The following DPYSL2 variants were observed in gnomAD, a reference collection of about 807,000 sequenced individuals.
The protein encoded by DPYSL2 is dihydropyrimidinase like 2.
A neutral mutation model predicts 69.9 loss-of-function variants in DPYSL2; 13 were observed. The observed-to-expected ratio is 0.19, with a 90% confidence interval of 0.12 to 0.30. The LOEUF (loss-of-function observed/expected upper bound fraction) is 0.30, where lower values mean the gene tolerates loss of function less well. DPYSL2 is among the 10% of genes least tolerant of loss of function. DPYSL2 has a pLI of 1.00. For missense variants in DPYSL2, 587 were observed against 918.9 expected (o/e 0.64, Z 4.67); for synonymous variants, 326 against 359.1 (o/e 0.91, Z 1.04).
In DPYSL2 at chr8:26,640,376, C is replaced by T. The variant is rs762863376; in HGVS notation, c.1127-3063C>T. Reference sequence around the variant, plus strand: ...GAAAATCACAAAGGTCTAACGGGCACCCAGATAGCATCAGCAGTGTATTTA... The same window carrying T: ...GAAAATCACAAAGGTCTAACGGGCATCCAGATAGCATCAGCAGTGTATTTA... On this transcript the variant is annotated intron_variant, in intron 8 of 13. Transcript: ENST00000521913. This position sits in a 1 kb window ranked among gnomAD's most constrained non-coding sequence, Gnocchi z 4.2. 1.3e-5 allele frequency among the ~76,000 whole-genome samples: 2 copies of T among 152,170 alleles called. No individual in the cohort carries two copies. The highest frequency in any genetic ancestry group is 2.9e-5 in the Non-Finnish European group (2 of 68,038).
intron 3 of DPYSL2, among the ~76,000 whole-genome samples, chr8:26,592,898 T>C (rs368119226): frequency 3.3e-5 from 5 of 152,186 alleles, no homozygotes; most frequent in Admixed American, 6.5e-5. Context: ...CCTTTTTTTT[T>C]CCTCTTCCTC....
Position 26,626,505 on chromosome 8 carries a change from A to G in DPYSL2, c.794-112A>G. The G allele has an allele frequency of 3.6e-6, 3 of 828,470 alleles. No homozygotes were observed. Among genetic ancestry groups the G allele is most frequent in the Non-Finnish European group, 5.9e-6 (3 of 507,958 alleles). The allele number at this position is 828,470 out of a possible 1,614,324, so 51.3% of individuals were successfully genotyped here. A position where few individuals can be genotyped will look rare whatever the true frequency, so the allele number is the denominator to read the frequency against. On this transcript the variant is annotated intron_variant, in intron 4 of 13. Transcript: ENST00000521913. This position sits in a 1 kb window ranked among gnomAD's most constrained non-coding sequence, Gnocchi z 4.3. ...GAAACACACACACACACACACACAC[A>G]CACACACACACACACACGTACACAC...
In DPYSL2 at chr8:26,634,912, G is replaced by A. The variant is rs1802871915; in HGVS notation, c.1126+12G>A. 6.2e-7 allele frequency: 1 copy of A among 1,613,850 alleles called. No homozygotes were observed. Among genetic ancestry groups the A allele is most frequent in the Admixed American group, 1.7e-5 (1 of 59,996 alleles). The stretch of plus-strand genomic sequence containing the variant: ...GGCACGGAAGAAGGGTGAGTGCTGT[G>A]GCCGGACTGGCTGATGGCAGGTGGG... On this transcript the variant is annotated intron_variant, in intron 8 of 13. Coordinates refer to ENST00000521913, the MANE Select transcript of DPYSL2 (RefSeq NM_001197293.3).
chr8:26,652,569 A>AT lies in DPYSL2; in HGVS notation c.1776+139dup, dbSNP rs1330724412. The AT allele has an allele frequency of 1.2e-5, 12 of 976,804 alleles. No individual in the cohort carries two copies. Among genetic ancestry groups the AT allele is most frequent in the Non-Finnish European group, 1.8e-5 (12 of 679,640 alleles). The allele number at this position is 976,804 out of a possible 1,614,324, so 60.5% of individuals were successfully genotyped here. A position where few individuals can be genotyped will look rare whatever the true frequency, so the allele number is the denominator to read the frequency against. ...ATTCCAGGGATAAGAGGGAGCCTGA[A>AT]TTTTTTATTCCTGGCATTTAAAATA... On this transcript the variant is annotated intron_variant, in intron 12 of 13. Transcript: ENST00000521913. The surrounding 1 kb of genome is among the most constrained non-coding windows in gnomAD (Gnocchi z 6.3).
intron 1 of DPYSL2, chr8:26,576,945 G>A (rs993482356): frequency 6.2e-5 from 18 of 288,584 alleles, no homozygotes; most frequent in Non-Finnish European, 1.2e-4. Flanking sequence ...TCAGGGAGCC[G>A]AGGTGGGCGT....
At chr8:26,596,571 G>A (rs1255647275) in intron 3 of DPYSL2, among the ~76,000 whole-genome samples, 6 of 152,230 alleles carry the variant, frequency 3.9e-5, no homozygotes, top group Admixed American at 6.5e-5. Context: ...AAAGTGAGGA[G>A]TTTGGAGGGA....
chr8:26,626,655 C>G lies in DPYSL2; in HGVS notation c.832C>G (p.Arg278Gly). The G allele has an allele frequency of 1.2e-6, 2 of 1,614,182 alleles. No homozygotes were observed. The highest frequency in any genetic ancestry group is 1.7e-6 in the Non-Finnish European group (2 of 1,180,042). Residue 278 changes from arginine (R) to glycine (G), a missense_variant, in exon 5 of 14, where the codon CGC becomes GGC. This residue lies in a region of DPYSL2 where 452 missense variants were observed against 754.3 expected (regional missense o/e 0.60). Transcript: ENST00000521913. This position sits in a 1 kb window ranked among gnomAD's most constrained non-coding sequence, Gnocchi z 4.3. Reference sequence around the variant, plus strand: ...CCTCGTGTACATGGCTTTCAAAGATCGCTTCCAGCTAACGGATTGCCAGGT... The same window carrying G: ...CCTCGTGTACATGGCTTTCAAAGATGGCTTCCAGCTAACGGATTGCCAGGT... ...SFLVYMAFKD[R>G]FQLTDCQIYE...
chr8:26,639,002 C>A (rs984499776), intron 8 of DPYSL2, among the ~76,000 whole-genome samples: 2 of 152,212 alleles, frequency 1.3e-5, no homozygotes, highest in African/African-American at 4.8e-5. Flanking sequence ...ACATTCTTTT[C>A]CGTCCTCCTC....
Position 26,653,155 on chromosome 8 carries a change from C to A in DPYSL2, c.1777-77C>A. On this transcript the variant is annotated intron_variant, in intron 12 of 13. Coordinates refer to ENST00000521913, the MANE Select transcript of DPYSL2 (RefSeq NM_001197293.3). The surrounding 1 kb of genome is among the most constrained non-coding windows in gnomAD (Gnocchi z 5.7). ...CCATCCCTAGATCTCACAGGCCCAT[C>A]CTCCCTCCAGGAGGGTTTCTAGAGA... The A allele has an allele frequency of 8.6e-6, 13 of 1,518,800 alleles. No homozygotes were observed. The highest frequency in any genetic ancestry group is 8.9e-6 in the Non-Finnish European group (10 of 1,121,842). The allele number at this position is 1,518,800 out of a possible 1,614,324, so 94.1% of individuals were successfully genotyped here. A position where few individuals can be genotyped will look rare whatever the true frequency, so the allele number is the denominator to read the frequency against.
chr8:26,637,609 A>G lies in DPYSL2; in HGVS notation c.1126+2709A>G, dbSNP rs1802949850. 2 of 152,232 alleles carry G rather than the reference A, an allele frequency of 1.3e-5. 1 individual carries two copies. Among genetic ancestry groups the G allele is most frequent in the Non-Finnish European group, 2.9e-5 (2 of 68,050 alleles). The allele number at this position is 152,232 out of a possible 1,614,324, so 9.4% of individuals were successfully genotyped here. A position where few individuals can be genotyped will look rare whatever the true frequency, so the allele number is the denominator to read the frequency against. On this transcript the variant is annotated intron_variant, in intron 8 of 13. Coordinates refer to ENST00000521913, the MANE Select transcript of DPYSL2 (RefSeq NM_001197293.3). ...TGATTGAAACAGTGGCCTGACACCC[A>G]GCAGAGATATGGGTAATGTACACAC...
Position 26,514,757 on chromosome 8 carries a change from C to T in DPYSL2, c.354+78C>T. 7.8e-7 allele frequency: 1 copy of T among 1,274,106 alleles called. No individual in the cohort carries two copies. Among genetic ancestry groups the T allele is most frequent in the Non-Finnish European group, 1.0e-6 (1 of 982,770 alleles). 78.9% of individuals were successfully genotyped at this position (1,274,106 alleles called of 1,614,324 possible). A position where few individuals can be genotyped will look rare whatever the true frequency, so the allele number is the denominator to read the frequency against. Reference sequence around the variant, plus strand: ...CTCCCTCGCCCCTGAGCCCGGCGCGCCCGCCTTCATGCCCCGCCCTGGACC... The same window carrying T: ...CTCCCTCGCCCCTGAGCCCGGCGCGTCCGCCTTCATGCCCCGCCCTGGACC... On this transcript the variant is annotated intron_variant, in intron 1 of 13. Coordinates refer to ENST00000521913, the MANE Select transcript of DPYSL2 (RefSeq NM_001197293.3). The surrounding 1 kb of genome is among the most constrained non-coding windows in gnomAD (Gnocchi z 8.4).
rs778194237 is a variant in DPYSL2 at position 26,614,409 on chromosome 8, C to G, written c.629-9734C>G. Among the ~76,000 whole-genome samples, 2 of 152,168 alleles carry G rather than the reference C, an allele frequency of 1.3e-5. No homozygotes were observed. The highest frequency in any genetic ancestry group is 2.9e-5 in the Non-Finnish European group (2 of 68,034). ...CTCGATGAGAAGAGAGGGGTGGGGA[C>G]AGGCGGTAGCTGGAGGGTCCTTCAG... On this transcript the variant is annotated intron_variant, in intron 3 of 13. Transcript: ENST00000521913. This position sits in a 1 kb window ranked among gnomAD's most constrained non-coding sequence, Gnocchi z 4.9.
In DPYSL2 at chr8:26,647,213, A is replaced by C. The variant is rs1028563241; in HGVS notation, c.1426-417A>C. Among the ~76,000 whole-genome samples, 1 of 152,188 alleles carries C rather than the reference A, an allele frequency of 6.6e-6. No individual in the cohort carries two copies. The highest frequency in any genetic ancestry group is 2.4e-5 in the African/African-American group (1 of 41,448). On this transcript the variant is annotated intron_variant, in intron 10 of 13. Transcript: ENST00000521913. This position sits in a 1 kb window ranked among gnomAD's most constrained non-coding sequence, Gnocchi z 5.1. ...TTTCCCTCATGGTTACATCTTATATAAATGTAGAACAATATCAAAACCAGG... is the reference window on the plus strand; with the variant it reads ...TTTCCCTCATGGTTACATCTTATATCAATGTAGAACAATATCAAAACCAGG...
chr8:26,595,333 T>A lies in DPYSL2; in HGVS notation c.628+11350T>A, dbSNP rs1801835291. On this transcript the variant is annotated intron_variant, in intron 3 of 13. Transcript: ENST00000521913. ...ATTTTTTTTTTCCTCCTCCAAATAA[T>A]CTCTGGAGAATTTGGAGCCTGATTT... 2.0e-5 allele frequency among the ~76,000 whole-genome samples: 3 copies of A among 152,070 alleles called. No individual in the cohort carries two copies. In the South Asian group the frequency reaches 6.2e-4, roughly 32 times the overall value.
At chr8:26,551,124 A>G (rs957695642) in intron 1 of DPYSL2, among the ~76,000 whole-genome samples, 7 of 152,148 alleles carry the variant, frequency 4.6e-5, no homozygotes, top group Admixed American at 2.6e-4. Context: ...TCAAAAGCCA[A>G]ACCCTTTGAG....
At chr8:26,553,728 G>C (rs187085898) in intron 1 of DPYSL2, among the ~76,000 whole-genome samples, 1 of 151,928 alleles carries the variant, frequency 6.6e-6, no homozygotes, top group Admixed American at 6.6e-5. Flanking sequence ...ATATTCCTTT[G>C]GGTATATACC....
chr8:26,582,299 A>G lies in DPYSL2; in HGVS notation c.443+242A>G, dbSNP rs938759255. 4.6e-5 allele frequency among the ~76,000 whole-genome samples: 7 copies of G among 152,248 alleles called. No individual in the cohort carries two copies. The highest frequency in any genetic ancestry group is 1.0e-4 in the Non-Finnish European group (7 of 68,034). On this transcript the variant is annotated intron_variant, in intron 2 of 13. Transcript: ENST00000521913. This position sits in a 1 kb window ranked among gnomAD's most constrained non-coding sequence, Gnocchi z 4.1. ...AGGTATTATGTAATTTACTATTTTT[A>G]ACTGAGGTGATATGATATCTTTCTG... is the stretch of plus-strand genomic sequence containing the variant.
In DPYSL2 at chr8:26,657,062, G is replaced by A. The variant is rs752638489; in HGVS notation, c.*1356G>A. ...AGCTTTTTATTTTCGGGGAAAAACC[G>A]TATTTTTTTCTTGTCCAATTATTTC... On this transcript the variant is annotated 3_prime_UTR_variant, in exon 14 of 14. Coordinates refer to ENST00000521913, the MANE Select transcript of DPYSL2 (RefSeq NM_001197293.3). 1.2e-4 allele frequency: 18 copies of A among 152,246 alleles called. No individual in the cohort carries two copies. In the East Asian group the frequency reaches 1.5e-3, roughly 13 times the overall value. 9.4% of individuals were successfully genotyped at this position (152,246 alleles called of 1,614,324 possible). A position where few individuals can be genotyped will look rare whatever the true frequency, so the allele number is the denominator to read the frequency against.
Position 26,641,428 on chromosome 8 carries a change from T to G in DPYSL2, c.1127-2011T>G, listed in dbSNP as rs1389278755. ...CAGGAGAGTTTTGCTTAACCAGATC[T>G]GTTTGATCCTTGAACCAAAAGCGGG... is the stretch of plus-strand genomic sequence containing the variant. On this transcript the variant is annotated intron_variant, in intron 8 of 13. Coordinates refer to ENST00000521913, the MANE Select transcript of DPYSL2 (RefSeq NM_001197293.3). This position sits in a 1 kb window ranked among gnomAD's most constrained non-coding sequence, Gnocchi z 4.1. Among the ~76,000 whole-genome samples, 1 of 152,212 alleles carries G rather than the reference T, an allele frequency of 6.6e-6. No individual in the cohort carries two copies. The highest frequency in any genetic ancestry group is 1.5e-5 in the Non-Finnish European group (1 of 68,032).
Sources: gnomAD v4.1 joint callset for allele counts (sites outside exome capture counted in the v4.1 genomes callset) on GRCh38, gnomAD v4.1.1 for gene constraint, gnomAD v4.1.1 regional missense constraint, Gnocchi (gnomAD v3.1) non-coding constraint, MANE v1.5 for transcripts, NCBI Gene and HGNC (gene_info 2026-07-23, HGNC 2026-07-21) for gene names.